Variants in RDH12 observed in about 807,000 individuals in gnomAD.
RDH12 encodes retinol dehydrogenase 12.
Under a neutral mutation model 34.0 loss-of-function variants are expected in RDH12, and 21 were observed. The observed-to-expected ratio is 0.62, with a 90% CI of 0.44 to 0.89. The LOEUF is 0.89. Among genes scored for constraint, RDH12 ranks in the 40% least tolerant of loss-of-function variants. RDH12 has a pLI of 0.00. For synonymous variants in RDH12, 198 were observed against 169.9 expected, an observed-to-expected ratio of 1.17 and a Z score of -1.29; for missense variants, 394 against 398.6, an observed-to-expected ratio of 0.99 and a Z score of 0.10.
chr14:67,725,142 G>T lies in RDH12; in HGVS notation c.231G>T (p.Glu77Asp), dbSNP rs773709615. 4.3e-6 allele frequency: 7 copies of T among 1,614,200 alleles called. 1 individual carries two copies. In the Admixed American group the frequency reaches 1.2e-4, roughly 27 times the overall value. The change falls in exon 5 of 9, where the codon GAG (glutamate) becomes GAT (aspartate). Residue 77 changes from glutamate to aspartate, a missense_variant. By Grantham distance (45) the Glu-to-Asp change is conservative. Coordinates refer to ENST00000551171, the MANE Select transcript of RDH12 (RefSeq NM_152443.3). Reference sequence around the variant, plus strand: ...CCTGCAGAGATGTACTGAAGGGGGAGTCTGCTGCCAGTGAAATCCGAGTGG... The same window carrying T: ...CCTGCAGAGATGTACTGAAGGGGGATTCTGCTGCCAGTGAAATCCGAGTGG... ...YIACRDVLKG[E>D]SAASEIRVDT...
intron 6 of RDH12, 107 bp from the exon 7 acceptor site, chr14:67,726,873 GT>G: frequency 1.1e-6 from 1 of 943,622 alleles, no homozygotes. Context: ...ATCAAAATTG[GT>G]TCACACCCAG....
Position 67,734,039 on chromosome 14 carries a change from G to A in RDH12, c.*191G>A. 1.9e-6 allele frequency: 1 copy of A among 526,084 alleles called. No homozygotes were observed. The highest frequency in any genetic ancestry group is 3.6e-6 in the Non-Finnish European group (1 of 279,296). The allele number at this position is 526,084 out of a possible 1,614,324, so 32.6% of individuals were successfully genotyped here. A position where few individuals can be genotyped will look rare whatever the true frequency, so the allele number is the denominator to read the frequency against. ...CTTGTGAGACTGGCTTATGGCATGA[G>A]TTGTGGACACCTATAGAGTGTTCTT... is the stretch of plus-strand genomic sequence containing the variant. On this transcript the variant is annotated 3_prime_UTR_variant, in exon 9 of 9. Transcript: ENST00000551171.
chr14:67,731,207 C>CTTTTTTTTT (rs71129853), intron 8 of RDH12, among the ~76,000 whole-genome samples: 9 of 90,606 alleles, frequency 9.9e-5, no homozygotes, highest in African/African-American at 3.4e-4. Flanking sequence ...TTCTTTCTTT[C>CTTTTTTTTT]TTTTTTTTTT....
chr14:67,730,473 T>C lies in RDH12; in HGVS notation c.848+1093T>C, dbSNP rs79457838. ...TAAGCATTTCCTTTGAGTTGCATGT[T>C]GCTGCTAAAAATGTTTTGGATTTCA... On this transcript the variant is annotated intron_variant, in intron 8 of 8. Transcript: ENST00000551171. Among the ~76,000 whole-genome samples the C allele has an allele frequency of 5.2e-3, 789 of 152,368 alleles. 8 individuals are homozygous for C. Among genetic ancestry groups the C allele is most frequent in the African/African-American group, 0.017 (716 of 41,586 alleles).
At chr14:67,726,919 C>T in intron 6 of RDH12, 62 bp from the exon 7 acceptor site, 1 of 1,486,128 alleles carries the variant, frequency 6.7e-7, no homozygotes, top group Non-Finnish European at 9.3e-7. Context: ...CCTCTTGGCT[C>T]CCACATGCTG....
intron 2 of RDH12, 123 bp from the exon 3 acceptor site, chr14:67,722,301 C>G (rs2038132494): frequency 2.5e-6 from 1 of 406,570 alleles, no homozygotes; most frequent in Admixed American, 3.5e-5. Context: ...GAACACATTT[C>G]CTAGAGAAGA....
intron 7 of RDH12, among the ~76,000 whole-genome samples, chr14:67,728,685 C>T (rs11846441): frequency 6.7e-6 from 1 of 149,902 alleles, no homozygotes; most frequent in African/African-American, 2.5e-5. Flanking sequence ...AAATAGTGAC[C>T]GCACCAGGGA....
Position 67,733,906 on chromosome 14 carries a change from AAGG to A in RDH12, c.*61_*63del, listed in dbSNP as rs2038319270. ...ATCCATGCCATAATGAACAGGGACC[AAGG>A]AGAAGGCCAACCCTAAAGGATTGTC... is the stretch of plus-strand genomic sequence containing the variant. On this transcript the variant is annotated 3_prime_UTR_variant, in exon 9 of 9. Coordinates refer to ENST00000551171, the MANE Select transcript of RDH12 (RefSeq NM_152443.3). 4 of 1,310,946 alleles carry A rather than the reference AAGG, an allele frequency of 3.1e-6. No homozygotes were observed. In the Admixed American group the frequency reaches 5.2e-5, roughly 17 times the overall value. 81.2% of individuals were successfully genotyped at this position (1,310,946 alleles called of 1,614,324 possible). A position where few individuals can be genotyped will look rare whatever the true frequency, so the allele number is the denominator to read the frequency against.
chr14:67,725,639 C>T (rs879625487), intron 5 of RDH12, among the ~76,000 whole-genome samples: 3 of 152,198 alleles, frequency 2.0e-5, no homozygotes, highest in East Asian at 3.8e-4. Context: ...GCTTCTACCA[C>T]GGACTATGAA....
intron 1 of RDH12, among the ~76,000 whole-genome samples, chr14:67,705,587 G>A (rs1161114557): frequency 6.6e-6 from 1 of 152,198 alleles, no homozygotes; most frequent in Non-Finnish European, 1.5e-5. Flanking sequence ...ACATTAGTGA[G>A]AAAACTGGTG....
At chr14:67,733,061 T>G (rs1458743519) in intron 8 of RDH12, among the ~76,000 whole-genome samples, 1 of 152,092 alleles carries the variant, frequency 6.6e-6, no homozygotes, top group Non-Finnish European at 1.5e-5. Flanking sequence ...ACATGGCACA[T>G]GTATACATAT....
chr14:67,717,615 C>T (rs1417740489), intron 1 of RDH12, among the ~76,000 whole-genome samples: 6 of 152,224 alleles, frequency 3.9e-5, no homozygotes, highest in African/African-American at 1.2e-4. Context: ...GGTGATTTTG[C>T]CCCATAGTGA....
chr14:67,732,982 G>A (rs903473408), intron 8 of RDH12, among the ~76,000 whole-genome samples: 2 of 152,104 alleles, frequency 1.3e-5, no homozygotes, highest in Non-Finnish European at 2.9e-5. Context: ...AACATGGGGG[G>A]AGCGGGGAGG....
intron 3 of RDH12, among the ~76,000 whole-genome samples, chr14:67,723,310 T>C (rs1026530072): frequency 3.9e-5 from 6 of 152,210 alleles, no homozygotes; most frequent in Non-Finnish European, 8.8e-5. Flanking sequence ...CATAGGTCAC[T>C]GCAGCCTTGA....
intron 8 of RDH12, chr14:67,729,819 T>C (rs771373048): frequency 2.1e-6 from 1 of 480,498 alleles, no homozygotes; most frequent in East Asian, 5.9e-5. Flanking sequence ...ATTGGCACTA[T>C]CTGTTGAAAT....
At chr14:67,702,057 T>C (rs2037905464) in intron 1 of RDH12, 122 bp downstream of exon 1, 1 of 152,144 alleles carries the variant, frequency 6.6e-6, no homozygotes, top group Non-Finnish European at 1.5e-5. Flanking sequence ...TCTCAAATGA[T>C]CCACCTGCCT....
chr14:67,731,785 G>A (rs1400811343), intron 8 of RDH12, among the ~76,000 whole-genome samples: 1 of 152,054 alleles, frequency 6.6e-6, no homozygotes, highest in Admixed American at 6.6e-5. Context: ...GAGCCAAGCA[G>A]AGTGTGAAGG....
chr14:67,717,266 C>T (rs1382999249), intron 1 of RDH12, among the ~76,000 whole-genome samples: 1 of 152,180 alleles, frequency 6.6e-6, no homozygotes, highest in Non-Finnish European at 1.5e-5. Context: ...ACATTTCCAT[C>T]ACCTCAGAAA....
intron 7 of RDH12, 148 bp downstream of exon 7, chr14:67,727,338 C>G: frequency 1.4e-6 from 1 of 731,654 alleles, no homozygotes; most frequent in Non-Finnish European, 2.4e-6. Context: ...GGAATAAAAA[C>G]AGAGTGCTTG....
Sources: allele counts gnomAD v4.1 joint callset (sites outside exome capture counted in the v4.1 genomes callset), GRCh38; gene constraint gnomAD v4.1.1; transcripts MANE v1.5; gene names NCBI Gene and HGNC (gene_info 2026-07-23, HGNC 2026-07-21).